FANCI: variants seen among roughly 807,000 people sequenced by gnomAD.
FANCI encodes the protein FA complementation group I.
A neutral mutation model predicts 176.1 loss-of-function variants in FANCI; 156 were observed. That is an observed-to-expected ratio of 0.89 (90% CI 0.78 to 1.01). The LOEUF (loss-of-function observed/expected upper bound fraction) is 1.01. Among genes scored for constraint, FANCI ranks in the 50% least tolerant of loss-of-function variants. FANCI has a pLI of 0.00. For missense variants in FANCI, 1,678 were observed against 1,534.1 expected (o/e 1.09, Z -1.57); for synonymous variants, 613 against 541.7 (o/e 1.13, Z -1.83).
intron 37 of FANCI, 45 bp downstream of exon 37, chr15:89,315,434 GGT>G (rs771369440): frequency 2.2e-6 from 3 of 1,341,918 alleles, no homozygotes; most frequent in Admixed American, 1.7e-5. Flanking sequence ...CTTCCTAGCT[GGT>G]TAGCAGCCTA....
Position 89,247,652 on chromosome 15 carries a change from A to C in FANCI, c.5A>C (p.Asp2Ala), listed in dbSNP as rs2151054413. M[D>A]QKILSLAAEK... ...AGTTCTGTGATATGAGCAACAATGG[A>C]CCAGAAGATTTTATCTCTAGCAGCA... is the stretch of plus-strand genomic sequence containing the variant. The change falls in exon 2 of 38, where the codon GAC becomes GCC. Residue 2 changes from aspartate to alanine, a missense_variant. Asp to Ala is a moderately radical substitution (Grantham distance 126, BLOSUM62 -2). This residue lies in a region of FANCI where 469 missense variants were observed against 436.9 expected (regional missense o/e 1.07). Transcript: ENST00000310775. The C allele has an allele frequency of 6.2e-7, 1 of 1,613,916 alleles. No homozygotes were observed. Among genetic ancestry groups the C allele is most frequent in the Non-Finnish European group, 8.5e-7 (1 of 1,179,856 alleles).
At chr15:89,256,654 A>G (rs1292488231) in intron 2 of FANCI, among the ~76,000 whole-genome samples, 6 of 151,870 alleles carry the variant, frequency 4.0e-5, no homozygotes, top group Admixed American at 2.0e-4. Flanking sequence ...ATCTGTTTCC[A>G]TTGATGCTCC....
chr15:89,253,078 C>G lies in FANCI; in HGVS notation c.84+5347C>G, dbSNP rs142920529. On this transcript the variant is annotated intron_variant, in intron 2 of 37. Transcript: ENST00000310775. ...AACTTTTATAAATAAGAGTGCAGTA[C>G]TGGTACATGAGTAGATAAACAGAAA... Among the ~76,000 whole-genome samples, 747 of 152,130 alleles carry G rather than the reference C, an allele frequency of 4.9e-3. 3 individuals carry two copies. The highest frequency in any genetic ancestry group is 0.017 in the African/African-American group (715 of 41,494).
chr15:89,314,632 C>G lies in FANCI; in HGVS notation c.3741C>G (p.Thr1247=). The change falls in exon 36 of 38, where the codon ACC becomes ACG. Residue 1247 remains threonine (T), a synonymous_variant. Transcript: ENST00000310775. The part of the protein sequence containing the change: ...ATAMARVLRE[T]KPIPNLIFAI... ...CTTAGGCCAGAGTTCTTCGGGAAAC[C>G]AAGCCAATCCCTAACCTCATCTTTG... 2 of 1,614,068 alleles carry G rather than the reference C, an allele frequency of 1.2e-6. No homozygotes were observed. The highest frequency in any genetic ancestry group is 1.7e-6 in the Non-Finnish European group (2 of 1,179,948).
chr15:89,277,820 C>T (rs1377649562), intron 13 of FANCI, among the ~76,000 whole-genome samples: 1 of 151,888 alleles, frequency 6.6e-6, no homozygotes, highest in Non-Finnish European at 1.5e-5. Flanking sequence ...TCTAGTAATT[C>T]CTCTAAGTCT....
chr15:89,316,891 G>T lies in FANCI; in HGVS notation c.*432G>T. The stretch of plus-strand genomic sequence containing the variant: ...GAACTGTAACTGAGAGCTCAGAAGT[G>T]AGCAAAGGAGCTTAATGCTAAGGTC... On this transcript the variant is annotated 3_prime_UTR_variant, in exon 38 of 38. Coordinates refer to ENST00000310775, the MANE Select transcript of FANCI (RefSeq NM_001113378.2). 1.7e-6 allele frequency: 2 copies of T among 1,152,838 alleles called. No homozygotes were observed. The highest frequency in any genetic ancestry group is 2.6e-6 in the Non-Finnish European group (2 of 758,982). The allele number at this position is 1,152,838 out of a possible 1,614,324, so 71.4% of individuals were successfully genotyped here. A position where few individuals can be genotyped will look rare whatever the true frequency, so the allele number is the denominator to read the frequency against.
At chr15:89,263,546 C>T (rs1029316872) in intron 7 of FANCI, 86 bp downstream of exon 7, 38 of 1,117,648 alleles carry the variant, frequency 3.4e-5, no homozygotes, top group Middle Eastern at 3.9e-4. Context: ...ACGTAAACAT[C>T]ACTCTCTCCT....
Position 89,247,631 on chromosome 15 carries a change from C to T in FANCI, c.-17C>T. ...CCTCTGACGTTTTTCCCTTGTAGTT[C>T]TGTGATATGAGCAACAATGGACCAG... On this transcript the variant is annotated splice_region_variant and 5_prime_UTR_variant, in exon 2 of 38. Coordinates refer to ENST00000310775, the MANE Select transcript of FANCI (RefSeq NM_001113378.2). 1.2e-6 allele frequency: 2 copies of T among 1,610,574 alleles called. No individual in the cohort carries two copies. The highest frequency in any genetic ancestry group is 1.7e-6 in the Non-Finnish European group (2 of 1,176,892).
At chr15:89,294,827 C>T in intron 23 of FANCI, 88 bp from the exon 24 acceptor site, 4 of 1,412,476 alleles carry the variant, frequency 2.8e-6, no homozygotes, top group Non-Finnish European at 3.8e-6. Context: ...TGCTGCTGTT[C>T]TGAACAATTT....
chr15:89,261,591 C>G lies in FANCI; in HGVS notation c.295C>G (p.His99Asp), dbSNP rs1355982684. ...TTATCCTGTGAACTTTTAGGCTCACCATTTTCCAGGACCATTATTGGTTGA... is the reference window on the plus strand; with the variant it reads ...TTATCCTGTGAACTTTTAGGCTCACGATTTTCCAGGACCATTATTGGTTGA... ...IIGLLMLEAH[H>D]FPGPLLVELA... Residue 99 changes from histidine to aspartate, a missense_variant, in exon 5 of 38, where the codon CAT becomes GAT. Physicochemically the swap from His to Asp is moderately conservative, Grantham distance 81. Transcript: ENST00000310775. The G allele has an allele frequency of 6.2e-7, 1 of 1,613,916 alleles. No individual in the cohort carries two copies. Among genetic ancestry groups the G allele is most frequent in the East Asian group, 2.2e-5 (1 of 44,878 alleles).
At chr15:89,296,230 C>A (rs1473209988) in intron 24 of FANCI, among the ~76,000 whole-genome samples, 1 of 149,800 alleles carries the variant, frequency 6.7e-6, no homozygotes, top group Non-Finnish European at 1.5e-5. Flanking sequence ...TCCCAAAGTG[C>A]TGGGTTTACA....
chr15:89,282,270 G>C (rs1448288876), intron 16 of FANCI: 1 of 197,028 alleles, frequency 5.1e-6, no homozygotes, highest in Non-Finnish European at 1.1e-5. Flanking sequence ...AAAGGGGAAA[G>C]TACCTTAGTC....
chr15:89,285,014 G>C (rs569579439), intron 17 of FANCI, 82 bp from the exon 18 acceptor site: 5 of 1,595,496 alleles, frequency 3.1e-6, no homozygotes, highest in Non-Finnish European at 4.3e-6. Flanking sequence ...AAGTTTTTTC[G>C]ACCAAGAACA....
rs558862264 is a variant in FANCI at position 89,288,252 on chromosome 15, C to T, written c.1822-1961C>T. On this transcript the variant is annotated intron_variant, in intron 18 of 37. Transcript: ENST00000310775. ...GTTTACCAGCTAAATTCTCAGCCAC[C>T]AGCTGGCAAAGGTGCACTAAGGATA... is the stretch of plus-strand genomic sequence containing the variant. Among the ~76,000 whole-genome samples the T allele has an allele frequency of 2.6e-5, 4 of 152,258 alleles. No homozygotes were observed. In the South Asian group the frequency reaches 8.3e-4, roughly 32 times the overall value.
chr15:89,261,855 G>A lies in FANCI; in HGVS notation c.480G>A (p.Leu160=). 1.2e-6 allele frequency: 2 copies of A among 1,613,906 alleles called. No homozygotes were observed. The highest frequency in any genetic ancestry group is 1.7e-6 in the Non-Finnish European group (2 of 1,179,912). The change falls in exon 6 of 38, where the codon TTG becomes TTA. Residue 160 remains leucine, a synonymous_variant. Transcript: ENST00000310775. ...VLSGEECKKQ[L]INTLCSGRWD... ...GTGGGGAAGAATGTAAGAAACAGTT[G>A]ATTAACACCCTGTGTTCTGGCAGGT... is the stretch of plus-strand genomic sequence containing the variant.
chr15:89,273,272 C>G lies in FANCI; in HGVS notation c.883-105C>G, dbSNP rs984126550. On this transcript the variant is annotated intron_variant, in intron 10 of 37. Transcript: ENST00000310775. ...TGAGCTATGATTGCATCACTGCACT[C>G]TAGCCTGGGCAACAGAGAGACCCAA... is the stretch of plus-strand genomic sequence containing the variant. The G allele has an allele frequency of 1.9e-5, 13 of 689,992 alleles. No individual in the cohort carries two copies. In the East Asian group the frequency reaches 3.7e-4, roughly 20 times the overall value. The allele number at this position is 689,992 out of a possible 1,614,324, so 42.7% of individuals were successfully genotyped here. A position where few individuals can be genotyped will look rare whatever the true frequency, so the allele number is the denominator to read the frequency against.
Position 89,269,957 on chromosome 15 carries a change from C to T in FANCI, c.882+1432C>T, listed in dbSNP as rs1337414819. ...TCCCAAGTAGCTGGGACTACAAGTGCGTGCCACCACGCCTGGCTAATTTTC... is the reference window on the plus strand; with the variant it reads ...TCCCAAGTAGCTGGGACTACAAGTGTGTGCCACCACGCCTGGCTAATTTTC... On this transcript the variant is annotated intron_variant, in intron 10 of 37. Transcript: ENST00000310775. Among the ~76,000 whole-genome samples the T allele has an allele frequency of 6.6e-5, 10 of 151,976 alleles. No homozygotes were observed. In the South Asian group the frequency reaches 8.3e-4, roughly 13 times the overall value.
chr15:89,275,696 C>G (rs1887122659), intron 12 of FANCI, among the ~76,000 whole-genome samples: 1 of 152,200 alleles, frequency 6.6e-6, no homozygotes, highest in South Asian at 2.1e-4. Context: ...AACCCAATCT[C>G]TTAAAGTTGG....
chr15:89,308,856 G>C (rs1212002947), intron 34 of FANCI, among the ~76,000 whole-genome samples: 6 of 151,786 alleles, frequency 4.0e-5, no homozygotes, highest in Non-Finnish European at 8.8e-5. Flanking sequence ...TGAGGCAGGA[G>C]AATCGCCTGA....
Sources: allele counts gnomAD v4.1 joint callset (sites outside exome capture counted in the v4.1 genomes callset), GRCh38; gene constraint gnomAD v4.1.1; regional missense constraint gnomAD v4.1.1; transcripts MANE v1.5; gene names NCBI Gene and HGNC (gene_info 2026-07-23, HGNC 2026-07-21).